SMTN: variants seen among roughly 807,000 people sequenced by gnomAD.
The protein encoded by SMTN is smoothelin.
Under a neutral mutation model 102.0 loss-of-function variants are expected in SMTN, and 58 were observed. The observed-to-expected ratio is 0.57, with a 90% CI of 0.46 to 0.71. SMTN has a LOEUF of 0.71. Ranked by LOEUF, SMTN falls within the 30% of genes least tolerant of loss-of-function variation. SMTN has a pLI of 0.00. For missense variants in SMTN, 1,185 were observed against 1,241.7 expected (o/e 0.95, Z 0.69); for synonymous variants, 478 against 497.9 (o/e 0.96, Z 0.53).
At chr22:31,091,589 G>T (rs1251506514) in intron 10 of SMTN, 86 bp from the exon 11 acceptor site, 1 of 1,516,072 alleles carries the variant, frequency 6.6e-7, no homozygotes, top group East Asian at 2.3e-5. Flanking sequence ...CAAAGGGTGT[G>T]CTGGGAGCGA....
At position 31,095,480 on chromosome 22, in the gene SMTN, G is replaced by A. The variant is rs547319711; in HGVS notation, c.1785+25G>A. On this transcript the variant is annotated intron_variant, in intron 12 of 20. Coordinates refer to ENST00000333137, the MANE Select transcript of SMTN (RefSeq NM_134269.3). The surrounding 1 kb of genome is among the most constrained non-coding windows in gnomAD (Gnocchi z 4.1). ...GGTATAGCCAGATCCGGTGGGCTGG[G>A]GGTTGGCAGAGGCCAGCAGGCACCA... 1 of 1,614,232 alleles carries A rather than the reference G, an allele frequency of 6.2e-7. No homozygotes were observed. Among genetic ancestry groups the A allele is most frequent in the South Asian group, 1.1e-5 (1 of 91,090 alleles).
chr22:31,095,443 C>G lies in SMTN; in HGVS notation c.1773C>G (p.Val591=). 6.2e-7 allele frequency: 1 copy of G among 1,614,260 alleles called. No individual in the cohort carries two copies. ...EELMTIEDEG[V]LDKMLDQSTD... is the part of the protein sequence containing the mutation. Reference sequence around the variant, plus strand: ...TGATGACTATTGAGGATGAAGGAGTCTTGGACAAGATGGTATAGCCAGATC... The same window carrying G: ...TGATGACTATTGAGGATGAAGGAGTGTTGGACAAGATGGTATAGCCAGATC... Residue 591 remains valine, a synonymous_variant, in exon 12 of 21, where the codon GTC becomes GTG. Transcript: ENST00000333137. The surrounding 1 kb of genome is among the most constrained non-coding windows in gnomAD (Gnocchi z 4.1).
intron 18 of SMTN, 117 bp from the exon 19 acceptor site, chr22:31,099,628 A>C (rs2043912274): frequency 1.8e-6 from 2 of 1,088,548 alleles, no homozygotes; most frequent in South Asian, 1.6e-5. Context: ...CTCATTGTGC[A>C]AGCTACGGGG....
chr22:31,084,027 G>A (rs1255460137), intron 2 of SMTN, among the ~76,000 whole-genome samples: 1 of 152,218 alleles, frequency 6.6e-6, no homozygotes, highest in Non-Finnish European at 1.5e-5. Context: ...TTGCACACAA[G>A]CTCTAGGTCC....
At chr22:31,071,696 CTTTT>C (rs760104691) in intron 1 of SMTN, among the ~76,000 whole-genome samples, 9 of 87,776 alleles carry the variant, frequency 1.0e-4, no homozygotes, top group South Asian at 8.8e-4. Flanking sequence ...CTCTCTCTCT[CTTTT>C]TTTTTTTTTT....
At chr22:31,076,212 G>A (rs1307925780) in intron 1 of SMTN, among the ~76,000 whole-genome samples, 1 of 152,208 alleles carries the variant, frequency 6.6e-6, no homozygotes, top group East Asian at 1.9e-4. Context: ...CACCGTGGCC[G>A]CCTCCTCTGG....
At chr22:31,091,616 G>C (rs1030091594) in intron 10 of SMTN, 59 bp from the exon 11 acceptor site, 3 of 1,534,378 alleles carry the variant, frequency 2.0e-6, no homozygotes, top group Non-Finnish European at 1.8e-6. Flanking sequence ...TATCAACCTT[G>C]TCTGGCACTG....
chr22:31,078,751 T>C (rs2042189641), upstream of SMTN, among the ~76,000 whole-genome samples: 1 of 152,172 alleles, frequency 6.6e-6, no homozygotes, highest in African/African-American at 2.4e-5. Flanking sequence ...TGGTGGTGTG[T>C]GCCTGTAGTC....
chr22:31,076,349 T>C (rs1423375935), upstream of SMTN, among the ~76,000 whole-genome samples: 1 of 152,220 alleles, frequency 6.6e-6, no homozygotes, highest in Non-Finnish European at 1.5e-5. Context: ...TCCACCCCGC[T>C]GTCTACAGGT....
intron 1 of SMTN, chr22:31,082,727 G>A (rs920638344): frequency 8.1e-6 from 6 of 742,236 alleles, no homozygotes; most frequent in East Asian, 5.5e-5. Flanking sequence ...CAAGAACTAC[G>A]GGTTCAGCCC....
chr22:31,073,113 C>T (rs1197708198), intron 1 of SMTN, among the ~76,000 whole-genome samples: 1 of 148,746 alleles, frequency 6.7e-6, no homozygotes, highest in African/African-American at 2.5e-5. Flanking sequence ...CTCCTGAGCT[C>T]AAGCGATCCT....
At chr22:31,085,369 C>T in intron 2 of SMTN, 1 of 1,290,414 alleles carries the variant, frequency 7.7e-7, no homozygotes, top group Non-Finnish European at 1.0e-6. Flanking sequence ...CCTGGCGAGG[C>T]TTCCCTCCAC....
intron 1 of SMTN, among the ~76,000 whole-genome samples, chr22:31,076,196 C>G (rs558536034): frequency 4.3e-4 from 65 of 152,314 alleles, no homozygotes; most frequent in African/African-American, 1.4e-3. Context: ...GCAGAGCACT[C>G]CCTCCCACCG....
chr22:31,073,270 T>C (rs1239431071), intron 1 of SMTN, among the ~76,000 whole-genome samples: 11 of 152,042 alleles, frequency 7.2e-5, no homozygotes, highest in South Asian at 2.1e-4. Context: ...CACGCACGCA[T>C]GCACGCATGC....
rs774535287 is a variant in SMTN at position 31,090,887 on chromosome 22, C to A, written c.937+8C>A. On this transcript the variant is annotated splice_region_variant and intron_variant, in intron 9 of 20. Coordinates refer to ENST00000333137, the MANE Select transcript of SMTN (RefSeq NM_134269.3). ...AACCAGCCCAGAACCGAGGTACTAC[C>A]TATTCTCACCCTGCCTAGGATCTGT... 7.4e-6 allele frequency: 12 copies of A among 1,613,812 alleles called. No homozygotes were observed. Among genetic ancestry groups the A allele is most frequent in the Non-Finnish European group, 1.0e-5 (12 of 1,179,886 alleles).
intron 11 of SMTN, chr22:31,093,708 T>C: frequency 8.9e-7 from 1 of 1,122,104 alleles, no homozygotes; most frequent in South Asian, 1.2e-5. Flanking sequence ...GGGTCCCACT[T>C]GTGTCCGGCC....
At position 31,088,771 on chromosome 22, in the gene SMTN, A is replaced by T; in HGVS notation, c.367A>T (p.Ile123Phe). The T allele has an allele frequency of 6.2e-7, 1 of 1,612,768 alleles. No individual in the cohort carries two copies. Among genetic ancestry groups the T allele is most frequent in the South Asian group, 1.1e-5 (1 of 90,836 alleles). The change falls in exon 5 of 21, where the codon ATT becomes TTT. Residue 123 changes from isoleucine (I) to phenylalanine (F), a missense_variant. Physicochemically the swap from Ile to Phe is conservative, Grantham distance 21 (BLOSUM62 0). Transcript: ENST00000333137. ...CATCCGCCGTGTACGGGCTCAGGAG[A>T]TTGAGGGTATGTGGCCTGTCCCGGC... is the stretch of plus-strand genomic sequence containing the variant. ...AAIRRVRAQE[I>F]EAATLAGRLY...
chr22:31,100,036 TC>T, intron 19 of SMTN, 140 bp downstream of exon 19: 1 of 799,992 alleles, frequency 1.3e-6, no homozygotes, highest in Non-Finnish European at 1.9e-6. Context: ...CCCCAGAGAG[TC>T]CCCGTCCTTC....
intron 4 of SMTN, 30 bp from the exon 5 acceptor site, chr22:31,088,669 C>T (rs1309251922): frequency 6.2e-7 from 1 of 1,613,434 alleles, no homozygotes; most frequent in African/African-American, 1.3e-5. Flanking sequence ...CTCCACAGCC[C>T]AACACCCGCG....
Sources: gnomAD v4.1 joint callset for allele counts (sites outside exome capture counted in the v4.1 genomes callset) on GRCh38, gnomAD v4.1.1 for gene constraint, Gnocchi (gnomAD v3.1) non-coding constraint, MANE v1.5 for transcripts, NCBI Gene and HGNC (gene_info 2026-07-23, HGNC 2026-07-21) for gene names.